The following ZFYVE26 variants were observed in gnomAD, a reference collection of about 807,000 sequenced individuals.
The protein encoded by ZFYVE26 is zinc finger FYVE-type containing 26, also known as zinc finger FYVE domain-containing protein 26.
ZFYVE26 carries 181 observed loss-of-function variants against 276.5 expected under a neutral mutation model. The observed-to-expected ratio is 0.65, with a 90% CI of 0.58 to 0.74. ZFYVE26 has a LOEUF of 0.74. Among genes scored for constraint, ZFYVE26 ranks in the 30% least tolerant of loss-of-function variants. The probability of loss-of-function intolerance (pLI) is 0.00; values close to 1 mark genes in which losing one functional copy is unlikely to be tolerated. For synonymous variants in ZFYVE26, 1,129 were observed against 1,203.1 expected (o/e 0.94, Z 1.27); for missense variants, 2,821 against 3,097.9 (o/e 0.91, Z 2.12).
chr14:67,766,794 G>A (rs765969371), intron 31 of ZFYVE26, among the ~76,000 whole-genome samples: 12 of 152,174 alleles, frequency 7.9e-5, no homozygotes, highest in Non-Finnish European at 1.5e-4. Context: ...CTGCCTCCCA[G>A]GCTCAAGCAA....
intron 38 of ZFYVE26, 30 bp from the exon 39 acceptor site, chr14:67,753,796 AC>A: frequency 6.2e-7 from 1 of 1,609,096 alleles, no homozygotes; most frequent in Non-Finnish European, 8.5e-7. Flanking sequence ...ATGCTTAAAA[AC>A]ATGGCAATTA....
At chr14:67,758,605 T>C (rs991644657) in intron 35 of ZFYVE26, among the ~76,000 whole-genome samples, 4 of 149,216 alleles carry the variant, frequency 2.7e-5, no homozygotes, top group Non-Finnish European at 5.9e-5. Flanking sequence ...CCTGAAAGGA[T>C]ACTAAAAGGA....
chr14:67,736,865 T>A (rs777714408), intron 13 of ZFYVE26, among the ~76,000 whole-genome samples: 2 of 152,030 alleles, frequency 1.3e-5, no homozygotes, highest in African/African-American at 2.4e-5. Flanking sequence ...AAGGGTTAGG[T>A]GATCCTGTTC....
At position 67,784,415 on chromosome 14, in the gene ZFYVE26, C is replaced by T. The variant is rs766506402; in HGVS notation, c.3545G>A (p.Gly1182Glu). The T allele has an allele frequency of 6.2e-7, 1 of 1,614,110 alleles. No homozygotes were observed. The highest frequency in any genetic ancestry group is 8.5e-7 in the Non-Finnish European group (1 of 1,179,988). Residue 1182 changes from glycine to glutamate, a missense_variant, in exon 20 of 42, where the codon GGA (glycine) becomes GAA (glutamate). Gly to Glu is a moderately conservative substitution (Grantham distance 98). Transcript: ENST00000347230. Reference sequence around the variant, plus strand: ...CTGTTGCAGCAGAACAAAGGGATTTCCTACCTTGACCTCCACATGATCTGC... The same window carrying T: ...CTGTTGCAGCAGAACAAAGGGATTTTCTACCTTGACCTCCACATGATCTGC... ...SEPDHVEVKV[G>E]NPFVLLQQSS...
chr14:67,765,476 C>T (rs76757795), intron 32 of ZFYVE26, among the ~76,000 whole-genome samples: 2,296 of 152,240 alleles, frequency 0.015, 40 homozygotes, highest in African/African-American at 0.043. Context: ...GCTGCTGAGT[C>T]TGTAGGCAAG....
chr14:67,757,662 CTT>C (rs2038816425), intron 35 of ZFYVE26, among the ~76,000 whole-genome samples: 8 of 145,598 alleles, frequency 5.5e-5, no homozygotes, highest in Non-Finnish European at 9.0e-5. Flanking sequence ...TTCTTTCTTT[CTT>C]TCTTTCTTTC....
intron 18 of ZFYVE26, 126 bp downstream of exon 18, chr14:67,785,732 T>A: frequency 7.7e-7 from 1 of 1,299,466 alleles, no homozygotes; most frequent in Non-Finnish European, 1.1e-6. Flanking sequence ...ATGCCCTGGC[T>A]AACTAAAGGG....
intron 18 of ZFYVE26, 41 bp downstream of exon 18, chr14:67,785,817 C>G: frequency 6.2e-7 from 1 of 1,613,434 alleles, no homozygotes; most frequent in Non-Finnish European, 8.5e-7. Flanking sequence ...TTCCTCTCCC[C>G]AGTTCAGCTT....
In ZFYVE26 at chr14:67,768,507, T is replaced by G; in HGVS notation, c.5653+10A>C. ...AATGAAGAGTCACAGAGAACGGGAT[T>G]TGGCCTTACCTTCTGGTTTTTCTGA... On this transcript the variant is annotated intron_variant, in intron 30 of 41. Transcript: ENST00000347230. 6.2e-7 allele frequency: 1 copy of G among 1,614,086 alleles called. No individual in the cohort carries two copies.
rs1594870345 is a variant in ZFYVE26, at chr14:67,733,769, C to T, written n.2680-3950G>A. 9 of 1,613,184 alleles carry T rather than the reference C, an allele frequency of 5.6e-6. No homozygotes were observed. Among genetic ancestry groups the T allele is most frequent in the Non-Finnish European group, 7.6e-6 (9 of 1,179,526 alleles). ...AGTGACTGCAAGAGGACCTGGGTGT[C>T]TCCAAGGGCCCGAAATAACAAAACA... is the stretch of plus-strand genomic sequence containing the variant. On this transcript the variant is annotated intron_variant and non_coding_transcript_variant, in intron 13 of 14. Coordinates refer to the ZFYVE26 transcript ENST00000394455.
intron 23 of ZFYVE26, among the ~76,000 whole-genome samples, chr14:67,779,940 CGG>C (rs1268848637): frequency 6.6e-6 from 1 of 151,982 alleles, no homozygotes; most frequent in Admixed American, 6.6e-5. Flanking sequence ...GGTGCGATCT[CGG>C]CTCACTGCAA....
intron 3 of ZFYVE26, among the ~76,000 whole-genome samples, chr14:67,810,027 G>A (rs983744502): frequency 8.6e-5 from 13 of 150,940 alleles, no homozygotes; most frequent in African/African-American, 2.7e-4. Context: ...CTCGTGATCC[G>A]CCTGCCTCGG....
In ZFYVE26 at chr14:67,761,525, G is replaced by A; in HGVS notation, c.6429C>T (p.Ser2143=). ...RELEATLRTQ[S]LSLAVIPEGK... ...CTTCAGGAATCACTGCCAGAGAAAG[G>A]CTCTGCGTCCGAAGGGTAGCTTCCA... The change falls in exon 35 of 42, where the codon AGC becomes AGT. Residue 2143 remains serine, a synonymous_variant. Coordinates refer to ENST00000347230, the MANE Select transcript of ZFYVE26 (RefSeq NM_015346.4). 1 of 1,614,236 alleles carries A rather than the reference G, an allele frequency of 6.2e-7. No homozygotes were observed. Among genetic ancestry groups the A allele is most frequent in the Non-Finnish European group, 8.5e-7 (1 of 1,180,046 alleles).
chr14:67,799,530 T>C, intron 10 of ZFYVE26: 3 of 1,578,592 alleles, frequency 1.9e-6, no homozygotes, highest in Non-Finnish European at 2.6e-6. Flanking sequence ...GACAGTTTTC[T>C]GGCTCAGATG....
chr14:67,766,918 G>A (rs1036515130), intron 31 of ZFYVE26, among the ~76,000 whole-genome samples: 2 of 151,978 alleles, frequency 1.3e-5, no homozygotes, highest in Non-Finnish European at 2.9e-5. Flanking sequence ...TGCCCAGGCT[G>A]GTCTCAAACT....
rs2039880550 is a variant in ZFYVE26, at chr14:67,793,700, G to A, written c.2461C>T (p.Pro821Ser). 6.2e-7 allele frequency: 1 copy of A among 1,613,822 alleles called. No individual in the cohort carries two copies. The highest frequency in any genetic ancestry group is 1.3e-5 in the African/African-American group (1 of 74,878). ...ATCATGGGGATGAGTGAACTTTGAG[G>A]ATGGGGGTGCAATCTACTGTGCAGC... ...NELHSRLHPH[P>S]QSSLIPMMFS... The change falls in exon 14 of 42, where the codon CCT (proline) becomes TCT (serine). Residue 821 changes from proline to serine, a missense_variant. Transcript: ENST00000347230.
rs751004637 is a variant in ZFYVE26 at position 67,775,042 on chromosome 14, G to C, written c.5294C>G (p.Ala1765Gly). The C allele has an allele frequency of 3.7e-6, 6 of 1,612,330 alleles. No individual in the cohort carries two copies. In the South Asian group the frequency reaches 6.6e-5, roughly 18 times the overall value. Residue 1765 changes from alanine (A) to glycine (G), a missense_variant, in exon 27 of 42, where the codon GCA (alanine) becomes GGA (glycine). Transcript: ENST00000347230. ...DPETLPRSPS[A>G]EFSPAAPPGI... ...AGGAGGAGCAGCAGGAGAGAACTCT[G>C]CTGATGGTGATCTAGGGAGGGTCTC...
At chr14:67,758,066 C>T (rs537529870) in intron 35 of ZFYVE26, among the ~76,000 whole-genome samples, 1 of 152,218 alleles carries the variant, frequency 6.6e-6, no homozygotes, top group South Asian at 2.1e-4. Flanking sequence ...TAGTCCTTGG[C>T]TATTTAATAA....
rs2040392803 is a variant in ZFYVE26, at chr14:67,815,859, A to G, written c.105T>C (p.Cys35=). Residue 35 remains cysteine, a synonymous_variant, in exon 2 of 42, where the codon TGT becomes TGC. Coordinates refer to ENST00000347230, the MANE Select transcript of ZFYVE26 (RefSeq NM_015346.4). ...RRGEWELAQA[C]VPQLQEGQGD... The stretch of plus-strand genomic sequence containing the variant: ...CTTGTCCCTCCTGTAGCTGAGGTAC[A>G]CATGCCTGTGCCAGCTCCCATTCTC... 6.2e-7 allele frequency: 1 copy of G among 1,614,180 alleles called. No individual in the cohort carries two copies. The highest frequency in any genetic ancestry group is 1.7e-5 in the Admixed American group (1 of 60,028).
Sources: gnomAD v4.1 joint callset for allele counts (sites outside exome capture counted in the v4.1 genomes callset) on GRCh38, gnomAD v4.1.1 for gene constraint, MANE v1.5 for transcripts, NCBI Gene and HGNC (gene_info 2026-07-23, HGNC 2026-07-21) for gene names.